RNF2: variants seen among roughly 807,000 people sequenced by gnomAD.
RNF2 encodes the protein ring finger protein 2, also known as E3 ubiquitin-protein ligase RING2.
Under a neutral mutation model 37.2 loss-of-function variants are expected in RNF2, and 6 were observed. The observed-to-expected ratio is 0.16, with a 90% confidence interval of 0.09 to 0.32. RNF2 has a LOEUF of 0.32. Among genes scored for constraint, RNF2 ranks in the 10% least tolerant of loss-of-function variants. The pLI is 1.00. For missense variants in RNF2, 251 were observed against 404.0 expected (o/e 0.62, Z 3.25); for synonymous variants, 133 against 132.7 (o/e 1.00, Z -0.02).
chr1:185,095,357 G>T lies in RNF2; in HGVS notation c.464+2081G>T, dbSNP rs569697452. On this transcript the variant is annotated intron_variant, in intron 4 of 6. Coordinates refer to ENST00000367510, the MANE Select transcript of RNF2 (RefSeq NM_007212.4). Reference sequence around the variant, plus strand: ...CTTCAGACTCACCAAGCATGCTTCTGCCTCAGAGCCTTTGTACTTACACTA... The same window carrying T: ...CTTCAGACTCACCAAGCATGCTTCTTCCTCAGAGCCTTTGTACTTACACTA... 3.3e-5 allele frequency among the ~76,000 whole-genome samples: 5 copies of T among 152,206 alleles called. No individual in the cohort carries two copies. The East Asian group carries it at 7.7e-4, about 23-fold the overall frequency.
intron 1 of RNF2, among the ~76,000 whole-genome samples, chr1:185,079,940 AAAG>A (rs1651296505): frequency 6.6e-6 from 1 of 152,150 alleles, no homozygotes; most frequent in South Asian, 2.1e-4. Flanking sequence ...GAAAAAAAAA[AAAG>A]CCAATTGTGT....
At position 185,054,987 on chromosome 1, in the gene RNF2, A is replaced by G. The variant is rs555806805; in HGVS notation, c.-3+9338A>G. Among the ~76,000 whole-genome samples, 3 of 152,352 alleles carry G rather than the reference A, an allele frequency of 2.0e-5. No homozygotes were observed. In the East Asian group the frequency reaches 5.8e-4, roughly 29 times the overall value. On this transcript the variant is annotated intron_variant, in intron 1 of 6. Coordinates refer to ENST00000367510, the MANE Select transcript of RNF2 (RefSeq NM_007212.4). ...AGTGCTAGGATTACAGGCATGAGCC[A>G]ATGCACCTGCTGTTTCTTTTCACCA...
At chr1:185,054,850 G>A (rs1358180534) in intron 1 of RNF2, among the ~76,000 whole-genome samples, 2 of 151,922 alleles carry the variant, frequency 1.3e-5, no homozygotes, top group African/African-American at 2.4e-5. Flanking sequence ...GGCGGGCGCC[G>A]CCACGCCCGG....
intron 1 of RNF2, among the ~76,000 whole-genome samples, chr1:185,049,538 T>C (rs1650214256): frequency 6.6e-6 from 1 of 152,152 alleles, no homozygotes; most frequent in Non-Finnish European, 1.5e-5. Context: ...TCCCCTTCAG[T>C]GAAGCAACAA....
chr1:185,060,456 C>T (rs2102160198), intron 1 of RNF2, among the ~76,000 whole-genome samples: 1 of 152,244 alleles, frequency 6.6e-6, no homozygotes, highest in East Asian at 1.9e-4. Context: ...TGGTAGTTTC[C>T]CTTGCTCACT....
intron 1 of RNF2, among the ~76,000 whole-genome samples, chr1:185,086,708 G>C (rs1011623882): frequency 6.6e-6 from 1 of 152,214 alleles, no homozygotes; most frequent in African/African-American, 2.4e-5. Context: ...ACATTAGGAA[G>C]AGCTTTCTGA....
intron 1 of RNF2, among the ~76,000 whole-genome samples, chr1:185,057,661 T>C (rs188550045): frequency 2.8e-4 from 43 of 152,278 alleles, no homozygotes; most frequent in Non-Finnish European, 5.3e-4. Flanking sequence ...GGCTTGAGAA[T>C]TCTTTTTTAG....
chr1:185,051,271 A>T (rs551227657), intron 1 of RNF2, among the ~76,000 whole-genome samples: 1 of 152,210 alleles, frequency 6.6e-6, no homozygotes, highest in African/African-American at 2.4e-5. Flanking sequence ...TGTTTTCTAG[A>T]AGGCTTTACT....
intron 2 of RNF2, among the ~76,000 whole-genome samples, chr1:185,088,050 A>G (rs1651654484): frequency 6.6e-6 from 1 of 152,244 alleles, no homozygotes; most frequent in African/African-American, 2.4e-5. Context: ...GGCAACAAAC[A>G]TGCTTAACAC....
chr1:185,080,133 A>G (rs1362203750), intron 1 of RNF2, among the ~76,000 whole-genome samples: 2 of 151,350 alleles, frequency 1.3e-5, no homozygotes, highest in African/African-American at 2.4e-5. Flanking sequence ...GCTGGCTTCC[A>G]CTCTACTCTT....
intron 1 of RNF2, among the ~76,000 whole-genome samples, chr1:185,070,784 G>A (rs940284342): frequency 4.0e-5 from 6 of 151,846 alleles, no homozygotes; most frequent in Non-Finnish European, 1.5e-5. Context: ...GACTGCAGGT[G>A]CCCGCCACCT....
At chr1:185,049,743 G>A (rs1296813142) in intron 1 of RNF2, among the ~76,000 whole-genome samples, 1 of 152,078 alleles carries the variant, frequency 6.6e-6, no homozygotes, top group East Asian at 1.9e-4. Context: ...GAGGTTCTAT[G>A]GACCCGGTGC....
chr1:185,069,461 A>G (rs1179574179), intron 1 of RNF2, among the ~76,000 whole-genome samples: 1 of 151,176 alleles, frequency 6.6e-6, no homozygotes, highest in Non-Finnish European at 1.5e-5. Context: ...CTGTCTAAAA[A>G]AAAAAAAAAA....
chr1:185,075,245 C>T (rs374364046), intron 1 of RNF2, among the ~76,000 whole-genome samples: 6 of 152,078 alleles, frequency 3.9e-5, no homozygotes, highest in East Asian at 1.9e-4. Flanking sequence ...CCCCCCGCCT[C>T]GGCCTCCCAA....
Position 185,074,000 on chromosome 1 carries a change from A to G in RNF2, c.-2-13552A>G, listed in dbSNP as rs116459225. Among the ~76,000 whole-genome samples the G allele has an allele frequency of 4.2e-3, 637 of 152,320 alleles. 4 individuals are homozygous for G. The highest frequency in any genetic ancestry group is 0.013 in the African/African-American group (560 of 41,576). On this transcript the variant is annotated intron_variant, in intron 1 of 6. Transcript: ENST00000367510. The stretch of plus-strand genomic sequence containing the variant: ...CTCATGTACTTCTGACCAATTGGCT[A>G]TAAGTTGGGGATTTCCGCAATCCCC...
rs555313225 is a variant in RNF2, at chr1:185,081,017, G to C, written c.-2-6535G>C. Among the ~76,000 whole-genome samples the C allele has an allele frequency of 3.3e-5, 5 of 152,178 alleles. No individual in the cohort carries two copies. The South Asian group carries it at 1.0e-3, about 32-fold the overall frequency. ...TTAGAAATTCCTCCTGAGTAGTTTT[G>C]GTTCTCTGAAAGATCTATCTAGGAT... On this transcript the variant is annotated intron_variant, in intron 1 of 6. Transcript: ENST00000367510.
chr1:185,082,801 G>A (rs895271171), intron 1 of RNF2, among the ~76,000 whole-genome samples: 1 of 152,070 alleles, frequency 6.6e-6, no homozygotes, highest in Admixed American at 6.5e-5. Flanking sequence ...TTTGTTTTTT[G>A]TCTAATAACA....
At chr1:185,076,930 A>G (rs1651184259) in intron 1 of RNF2, among the ~76,000 whole-genome samples, 1 of 152,048 alleles carries the variant, frequency 6.6e-6, no homozygotes, top group East Asian at 1.9e-4. Context: ...TTGGGATTGC[A>G]TTGCATTGAA....
At chr1:185,073,725 T>C (rs891738143) in intron 1 of RNF2, among the ~76,000 whole-genome samples, 1 of 152,236 alleles carries the variant, frequency 6.6e-6, no homozygotes, top group African/African-American at 2.4e-5. Context: ...TTTTATTGTA[T>C]GTCAATCAAA....
Sources: gnomAD v4.1 joint callset for allele counts (sites outside exome capture counted in the v4.1 genomes callset) on GRCh38, gnomAD v4.1.1 for gene constraint, MANE v1.5 for transcripts, NCBI Gene and HGNC (gene_info 2026-07-23, HGNC 2026-07-21) for gene names.